ELL2: variants seen among roughly 807,000 people sequenced by gnomAD.
ELL2 encodes the protein elongation factor for RNA polymerase II 2, also known as RNA polymerase II elongation factor ELL2.
A neutral mutation model predicts 72.8 loss-of-function variants in ELL2; 21 were observed. The observed-to-expected ratio is 0.29, with a 90% confidence interval of 0.20 to 0.42. The LOEUF (loss-of-function observed/expected upper bound fraction) is 0.42. ELL2 is among the 10% of genes least tolerant of loss of function. ELL2 has a pLI of 1.00. For missense variants in ELL2, 568 were observed against 772.8 expected (o/e 0.73, Z 3.14); for synonymous variants, 266 against 283.2 (o/e 0.94, Z 0.61).
chr5:95,961,645 T>A lies in ELL2; in HGVS notation c.77A>T (p.Asn26Ile), dbSNP rs570828892. 1 of 1,610,574 alleles carries A rather than the reference T, an allele frequency of 6.2e-7. No homozygotes were observed. The highest frequency in any genetic ancestry group is 8.5e-7 in the Non-Finnish European group (1 of 1,178,808). The change falls in exon 1 of 12, where the codon AAC becomes ATC. Residue 26 changes from asparagine to isoleucine, a missense_variant. Physicochemically the swap from Asn to Ile is moderately radical, Grantham distance 149 (BLOSUM62 -3). Transcript: ENST00000237853. ...GLSCGRLGQD[N>I]ITVLHVKLTE... ...GAGCTTCACATGCAGTACGGTGATG[T>A]TGTCCTGCCCCAGCCGTCCGCACGA...
chr5:95,942,135 G>C (rs1159489482), intron 2 of ELL2, among the ~76,000 whole-genome samples: 1 of 152,154 alleles, frequency 6.6e-6, no homozygotes. Flanking sequence ...AGGTTAGAAA[G>C]ACTATTTATT....
chr5:95,912,759 G>A (rs547178456), intron 4 of ELL2, among the ~76,000 whole-genome samples: 103 of 152,320 alleles, frequency 6.8e-4, no homozygotes, highest in African/African-American at 2.3e-3. Context: ...AGGAGCATTT[G>A]CTTTGTTCCA....
rs570725762 is a variant in ELL2 at position 95,930,308 on chromosome 5, G to A, written c.196-10763C>T. Among the ~76,000 whole-genome samples, 5 of 152,296 alleles carry A rather than the reference G, an allele frequency of 3.3e-5. No individual in the cohort carries two copies. The South Asian group carries it at 8.3e-4, about 25-fold the overall frequency. Reference sequence around the variant, plus strand: ...ATGCCAGGAAGAACTGCTGGCAAATGTAAGTGGGCTTAGAATTCATGACTG... The same window carrying A: ...ATGCCAGGAAGAACTGCTGGCAAATATAAGTGGGCTTAGAATTCATGACTG... On this transcript the variant is annotated intron_variant, in intron 2 of 11. Transcript: ENST00000237853.
intron 7 of ELL2, chr5:95,900,270 TTTTG>T (rs1340911015): frequency 1.3e-5 from 2 of 152,978 alleles, no homozygotes; most frequent in East Asian, 3.8e-4. Flanking sequence ...ATGCCATCAT[TTTTG>T]TTTATTTGTT....
At chr5:95,893,296 T>C (rs1239161380) in intron 9 of ELL2, among the ~76,000 whole-genome samples, 3 of 152,244 alleles carry the variant, frequency 2.0e-5, no homozygotes, top group Admixed American at 6.5e-5. Context: ...ACAGTTTTGA[T>C]AGCTTAACTA....
At chr5:95,910,662 G>A (rs926846052) in intron 4 of ELL2, among the ~76,000 whole-genome samples, 4 of 152,076 alleles carry the variant, frequency 2.6e-5, no homozygotes, top group African/African-American at 9.7e-5. Context: ...AGTCTTCATT[G>A]CCTCAAACTG....
chr5:95,903,143 C>T (rs970739644), intron 5 of ELL2, among the ~76,000 whole-genome samples: 13 of 151,292 alleles, frequency 8.6e-5, no homozygotes, highest in African/African-American at 2.9e-4. Flanking sequence ...CCCCCACCCC[C>T]ACAGCAATCC....
intron 1 of ELL2, among the ~76,000 whole-genome samples, chr5:95,953,258 G>A (rs575251852): frequency 1.3e-5 from 2 of 152,214 alleles, no homozygotes; most frequent in East Asian, 3.9e-4. Context: ...TCTATCCCTG[G>A]CAAATGTCAG....
At chr5:95,892,107 T>C (rs1748687089) in intron 9 of ELL2, among the ~76,000 whole-genome samples, 1 of 152,162 alleles carries the variant, frequency 6.6e-6, no homozygotes, top group Non-Finnish European at 1.5e-5. Flanking sequence ...AATAAGTAAA[T>C]TAAAACAGCA....
chr5:95,918,978 A>G lies in ELL2; in HGVS notation c.317+446T>C, dbSNP rs180887222. ...GTAGAATAAAGATGTTTAAAAATCT[A>G]CCTTCTACCTTAGAACATGGCTTGA... On this transcript the variant is annotated intron_variant, in intron 3 of 11. Coordinates refer to ENST00000237853, the MANE Select transcript of ELL2 (RefSeq NM_012081.6). Among the ~76,000 whole-genome samples the G allele has an allele frequency of 3.0e-4, 46 of 151,398 alleles. No individual in the cohort carries two copies. In the East Asian group the frequency reaches 7.8e-3, roughly 26 times the overall value.
intron 4 of ELL2, among the ~76,000 whole-genome samples, chr5:95,910,010 T>C (rs914113639): frequency 6.6e-6 from 1 of 152,210 alleles, no homozygotes; most frequent in African/African-American, 2.4e-5. Context: ...GACTCTGTCA[T>C]GGTTAACTAC....
At chr5:95,905,261 A>G (rs1335829032) in intron 5 of ELL2, among the ~76,000 whole-genome samples, 2 of 152,072 alleles carry the variant, frequency 1.3e-5, no homozygotes, top group Non-Finnish European at 2.9e-5. Context: ...ACACGTATAT[A>G]TATATATATT....
intron 9 of ELL2, among the ~76,000 whole-genome samples, chr5:95,892,695 T>C (rs1414572565): frequency 6.6e-6 from 1 of 152,244 alleles, no homozygotes; most frequent in Non-Finnish European, 1.5e-5. Flanking sequence ...TGGTCTTATA[T>C]AAGCCCATCA....
chr5:95,936,525 G>A (rs1342847547), intron 2 of ELL2, among the ~76,000 whole-genome samples: 2 of 152,162 alleles, frequency 1.3e-5, no homozygotes, highest in Non-Finnish European at 2.9e-5. Context: ...GATCACCCCT[G>A]TAATCCCAGC....
intron 9 of ELL2, among the ~76,000 whole-genome samples, chr5:95,893,516 C>G (rs1351104661): frequency 6.6e-6 from 1 of 152,154 alleles, no homozygotes; most frequent in Admixed American, 6.5e-5. Flanking sequence ...TCCTCAGTAG[C>G]TGGGAACCAC....
At chr5:95,901,686 C>T (rs1379104212) in intron 5 of ELL2, among the ~76,000 whole-genome samples, 1 of 152,152 alleles carries the variant, frequency 6.6e-6, no homozygotes, top group African/African-American at 2.4e-5. Flanking sequence ...TTACAACAGT[C>T]GATTTGAAAA....
intron 2 of ELL2, among the ~76,000 whole-genome samples, chr5:95,938,756 T>A (rs895546551): frequency 1.3e-5 from 2 of 152,178 alleles, no homozygotes; most frequent in Non-Finnish European, 2.9e-5. Context: ...AAAATTATGT[T>A]ATGTAAAACT....
intron 4 of ELL2, among the ~76,000 whole-genome samples, chr5:95,912,279 A>G (rs891312267): frequency 1.3e-5 from 2 of 152,196 alleles, no homozygotes; most frequent in African/African-American, 2.4e-5. Flanking sequence ...GCTGATTTTC[A>G]AGCTTTGGAA....
intron 2 of ELL2, among the ~76,000 whole-genome samples, chr5:95,927,019 G>C (rs1750306442): frequency 6.6e-6 from 1 of 152,086 alleles, no homozygotes; most frequent in East Asian, 1.9e-4. Context: ...TTTCTGGTAA[G>C]ATGACATGGA....
Sources: gnomAD v4.1 joint callset for allele counts (sites outside exome capture counted in the v4.1 genomes callset) on GRCh38, gnomAD v4.1.1 for gene constraint, MANE v1.5 for transcripts, NCBI Gene and HGNC (gene_info 2026-07-23, HGNC 2026-07-21) for gene names.